DPP6: variants seen among roughly 807,000 people sequenced by gnomAD.
DPP6 encodes A-type potassium channel modulatory protein DPP6.
DPP6 carries 69 observed loss-of-function variants against 122.6 expected under a neutral mutation model. That is an observed-to-expected ratio of 0.56 (90% confidence interval 0.46 to 0.69). The LOEUF (loss-of-function observed/expected upper bound fraction) is 0.69, where lower values mean the gene tolerates loss of function less well. Among genes scored for constraint, DPP6 ranks in the 30% least tolerant of loss-of-function variants. DPP6 has a pLI of 0.00. For missense variants in DPP6, 928 were observed against 1,116.9 expected (o/e 0.83, Z 2.41); for synonymous variants, 418 against 433.1 (o/e 0.97, Z 0.43).
intron 5 of DPP6, among the ~76,000 whole-genome samples, chr7:154,591,042 A>G (rs1832783406): frequency 6.6e-6 from 1 of 152,118 alleles, no homozygotes; most frequent in African/African-American, 2.4e-5. Context: ...TAGACTAGGG[A>G]GCAAAATCAA....
chr7:154,145,562 G>A (rs1329235182), intron 1 of DPP6, among the ~76,000 whole-genome samples: 1 of 150,312 alleles, frequency 6.7e-6, no homozygotes, highest in South Asian at 2.2e-4. Flanking sequence ...ATAGGATTTT[G>A]TCACATTGAA....
chr7:154,872,453 G>A (rs567989566), intron 18 of DPP6, among the ~76,000 whole-genome samples, 171 bp from the exon 19 acceptor site: 25 of 152,342 alleles, frequency 1.6e-4, no homozygotes, highest in East Asian at 1.9e-4. Context: ...GCCCAAGGCC[G>A]CGCAGCAGGC....
At chr7:153,821,983 A>C in the DPP6 span, among the ~76,000 whole-genome samples, 1 of 152,146 alleles carries the variant, frequency 6.6e-6, no homozygotes, top group Non-Finnish European at 1.5e-5. Context: ...GGAGCCCTTC[A>C]GGTCTTCTGT....
intron 1 of DPP6, among the ~76,000 whole-genome samples, chr7:154,399,533 C>T (rs986357499): frequency 6.6e-6 from 1 of 152,232 alleles, no homozygotes; most frequent in African/African-American, 2.4e-5. Flanking sequence ...ACCTCCTAAA[C>T]TCCAATGCCA....
intron 6 of DPP6, among the ~76,000 whole-genome samples, chr7:154,660,403 G>A (rs77267169): frequency 5.5e-5 from 8 of 145,374 alleles, no homozygotes; most frequent in African/African-American, 1.9e-4. Context: ...CGTATTGGCC[G>A]TAGTGTTCAT....
chr7:154,820,409 T>C (rs1210726484), intron 16 of DPP6, among the ~76,000 whole-genome samples: 1 of 152,104 alleles, frequency 6.6e-6, no homozygotes, highest in Non-Finnish European at 1.5e-5. Context: ...AGACTTACAA[T>C]ATTTACAAAA....
chr7:154,228,766 A>T (rs1019027608), intron 1 of DPP6, among the ~76,000 whole-genome samples: 1 of 152,214 alleles, frequency 6.6e-6, no homozygotes, highest in Non-Finnish European at 1.5e-5. Context: ...AAGCTCCATC[A>T]AGTTCAAAAC....
chr7:154,151,809 G>C (rs201321328), intron 1 of DPP6, among the ~76,000 whole-genome samples: 2 of 147,598 alleles, frequency 1.4e-5, no homozygotes, highest in Non-Finnish European at 3.0e-5. Flanking sequence ...CCACAGCCCC[G>C]CCTCAGCCTC....
At chr7:153,851,136 C>T in the DPP6 span, among the ~76,000 whole-genome samples, 17 of 152,304 alleles carry the variant, frequency 1.1e-4, 1 homozygote, top group Admixed American at 9.8e-4. Flanking sequence ...AACCATATAA[C>T]CTTAGCAAGC....
intron 16 of DPP6, among the ~76,000 whole-genome samples, chr7:154,838,098 T>TGA (rs1172023343): frequency 1.3e-5 from 2 of 152,192 alleles, no homozygotes; most frequent in Non-Finnish European, 2.9e-5. Flanking sequence ...GAGGTTTGGT[T>TGA]GGTGGCACTC....
At chr7:154,643,938 G>T (rs61447076) in intron 6 of DPP6, among the ~76,000 whole-genome samples, 23,033 of 152,078 alleles carry the variant, frequency 0.15, 2,053 homozygotes, top group African/African-American at 0.26. Flanking sequence ...AACATGAAAT[G>T]AACTTGACCT....
chr7:154,842,443 T>A (rs1801627945), intron 16 of DPP6, among the ~76,000 whole-genome samples: 1 of 152,256 alleles, frequency 6.6e-6, no homozygotes, highest in Non-Finnish European at 1.5e-5. Context: ...TCTGGAATTG[T>A]CACATTTCTC....
At chr7:154,215,230 G>A (rs1365904302) in intron 1 of DPP6, among the ~76,000 whole-genome samples, 1 of 152,142 alleles carries the variant, frequency 6.6e-6, no homozygotes, top group African/African-American at 2.4e-5. Flanking sequence ...AAAGCATGCA[G>A]GGGAAACTGA....
At chr7:153,971,859 GT>G (rs938938457) in intron 1 of DPP6, among the ~76,000 whole-genome samples, 3 of 144,324 alleles carry the variant, frequency 2.1e-5, no homozygotes, top group African/African-American at 7.7e-5. Context: ...TCTGGGCTTT[GT>G]GTCCTCAGTT....
At chr7:153,890,603 G>GT (rs1799146792) in intron 1 of DPP6, among the ~76,000 whole-genome samples, 1 of 151,484 alleles carries the variant, frequency 6.6e-6, no homozygotes, top group Non-Finnish European at 1.5e-5. Flanking sequence ...AGAGAAGGCA[G>GT]ATGCACCAGC....
chr7:154,497,139 C>T (rs1267253612), intron 3 of DPP6, among the ~76,000 whole-genome samples: 1 of 152,130 alleles, frequency 6.6e-6, no homozygotes, highest in Non-Finnish European at 1.5e-5. Flanking sequence ...CTGGATGTAA[C>T]CTTCACAAAC....
the DPP6 span, among the ~76,000 whole-genome samples, chr7:153,878,219 A>C: frequency 6.6e-6 from 1 of 152,206 alleles, no homozygotes; most frequent in Non-Finnish European, 1.5e-5. Flanking sequence ...ACAAGGCTGA[A>C]TACACACATT....
At chr7:154,042,577 T>C (rs934809435) in intron 1 of DPP6, among the ~76,000 whole-genome samples, 2 of 152,178 alleles carry the variant, frequency 1.3e-5, no homozygotes, top group African/African-American at 4.8e-5. Context: ...TCTTCCGTCA[T>C]GCCAAGAGAA....
At chr7:154,010,083 T>G (rs1798089662) in intron 1 of DPP6, among the ~76,000 whole-genome samples, 1 of 152,172 alleles carries the variant, frequency 6.6e-6, no homozygotes, top group Non-Finnish European at 1.5e-5. Flanking sequence ...TTTGTAAGTA[T>G]TTGACTTTTC....
Sources: allele counts gnomAD v4.1 joint callset (sites outside exome capture counted in the v4.1 genomes callset), GRCh38; gene constraint gnomAD v4.1.1; transcripts MANE v1.5; gene names NCBI Gene and HGNC (gene_info 2026-07-23, HGNC 2026-07-21).